Variants in CD8B2 observed in about 807,000 individuals in gnomAD.
CD8B2 encodes T-cell surface glycoprotein CD8 beta-2 chain.
In CD8B2, 11 loss-of-function variants were observed where a neutral mutation model predicts 23.7. The ratio of observed to expected loss-of-function variants is 0.46; its 90% CI spans 0.29 to 0.77. The LOEUF (loss-of-function observed/expected upper bound fraction) is 0.77, where lower values mean the gene tolerates loss of function less well. CD8B2 is among the 30% of genes least tolerant of loss of function. The probability of loss-of-function intolerance (pLI) is 0.09; values close to 1 mark genes in which losing one functional copy is unlikely to be tolerated. For missense variants in CD8B2, 197 were observed against 270.5 expected (o/e 0.73, Z 1.91); for synonymous variants, 90 against 109.3 (o/e 0.82, Z 1.10).
chr2:106,491,829 G>T (rs190017408), intron 2 of CD8B2, among the ~76,000 whole-genome samples: 3 of 152,200 alleles, frequency 2.0e-5, no homozygotes, highest in Non-Finnish European at 2.9e-5. Context: ...GATTACAGGC[G>T]TGAGCCACCG....
At chr2:106,490,160 C>T (rs1222098331) in intron 1 of CD8B2, among the ~76,000 whole-genome samples, 1 of 152,004 alleles carries the variant, frequency 6.6e-6, no homozygotes. Context: ...GGCTCCTCTC[C>T]CAGCCTGTCC....
At chr2:106,491,766 C>T (rs1679200999) in intron 2 of CD8B2, among the ~76,000 whole-genome samples, 2 of 152,140 alleles carry the variant, frequency 1.3e-5, no homozygotes, top group Non-Finnish European at 2.9e-5. Flanking sequence ...CCAGGTGGGT[C>T]TCGAACTCCT....
chr2:106,509,981 C>T lies in CD8B2; in HGVS notation c.*3041C>T, dbSNP rs1348628583. 1 of 152,166 alleles carries T rather than the reference C, an allele frequency of 6.6e-6. No individual in the cohort carries two copies. Among genetic ancestry groups the T allele is most frequent in the Non-Finnish European group, 1.5e-5 (1 of 68,032 alleles). The allele number at this position is 152,166 out of a possible 1,614,324, so 9.4% of individuals were successfully genotyped here. On this transcript the variant is annotated 3_prime_UTR_variant, in exon 6 of 6. Coordinates refer to ENST00000643224, the MANE Select transcript of CD8B2 (RefSeq NM_001349727.2). Reference sequence around the variant, plus strand: ...CTGGTCAGATAAATTCAGACACAGTCTAATAAGGGGGTTTAGGCGGCTGCT... The same window carrying T: ...CTGGTCAGATAAATTCAGACACAGTTTAATAAGGGGGTTTAGGCGGCTGCT...
intron 5 of CD8B2, among the ~76,000 whole-genome samples, chr2:106,524,469 C>T (rs910214912): frequency 6.6e-5 from 10 of 152,098 alleles, no homozygotes; most frequent in African/African-American, 2.2e-4. Context: ...CCTGAAGCAC[C>T]GTCCTGAAGT....
intron 1 of CD8B2, among the ~76,000 whole-genome samples, chr2:106,487,698 C>T (rs1679103580): frequency 6.6e-6 from 1 of 152,188 alleles, no homozygotes; most frequent in South Asian, 2.1e-4. Context: ...GGCCACCTCC[C>T]CTCAAAAGCC....
At chr2:106,503,396 G>A (rs953385821) in intron 4 of CD8B2, among the ~76,000 whole-genome samples, 14 of 151,966 alleles carry the variant, frequency 9.2e-5, no homozygotes, top group African/African-American at 3.4e-4. Context: ...GCACCCAGGA[G>A]CATACTTTTG....
At chr2:106,493,063 A>T (rs4366905) in intron 2 of CD8B2, among the ~76,000 whole-genome samples, 1 of 152,148 alleles carries the variant, frequency 6.6e-6, no homozygotes, top group Non-Finnish European at 1.5e-5. Flanking sequence ...TCCTGACTTC[A>T]GTGTTTCCAA....
In CD8B2 at chr2:106,491,089, C is replaced by G; in HGVS notation, c.259C>G (p.Gln87Glu). The G allele has an allele frequency of 3.1e-6, 5 of 1,613,914 alleles. No individual in the cohort carries two copies. The highest frequency in any genetic ancestry group is 4.2e-6 in the Non-Finnish European group (5 of 1,179,784). The change falls in exon 2 of 6, where the codon CAG becomes GAG. Residue 87 changes from glutamine to glutamate, a missense_variant. Physicochemically the swap from Gln to Glu is conservative, Grantham distance 29. Around this residue, in one of 3 missense-constraint regions of CD8B2, gnomAD observed 140 missense variants for 164.2 expected, o/e 0.85. Transcript: ENST00000643224. ...GACTATCCACGGTGAAGAGGTGGAA[C>G]AGGAGAAGATAGCTGTGTTTCGGGA... is the stretch of plus-strand genomic sequence containing the variant. ...KGTIHGEEVE[Q>E]EKIAVFRDAS...
chr2:106,501,914 A>G (rs1198423822), intron 3 of CD8B2, among the ~76,000 whole-genome samples: 1 of 152,232 alleles, frequency 6.6e-6, no homozygotes, highest in East Asian at 1.9e-4. Context: ...ATTACCAGGC[A>G]TGAAAATTGT....
intron 5 of CD8B2, among the ~76,000 whole-genome samples, chr2:106,542,837 G>A (rs1462492445): frequency 2.6e-5 from 4 of 151,790 alleles, no homozygotes; most frequent in Admixed American, 6.6e-5. Flanking sequence ...GTGAATACAT[G>A]TGCGCCCATC....
rs1277928351 is a variant in CD8B2, at chr2:106,507,470, G to C, written c.*530G>C. Reference sequence around the variant, plus strand: ...GTTCCCAGAAGCCATGTCAGTCTCTGAGGGCTTCCTTTGGGGCCGGGAACT... The same window carrying C: ...GTTCCCAGAAGCCATGTCAGTCTCTCAGGGCTTCCTTTGGGGCCGGGAACT... On this transcript the variant is annotated 3_prime_UTR_variant, in exon 6 of 6. Transcript: ENST00000643224. 1 of 985,612 alleles carries C rather than the reference G, an allele frequency of 1.0e-6. No individual in the cohort carries two copies. Among genetic ancestry groups the C allele is most frequent in the African/African-American group, 1.7e-5 (1 of 57,254 alleles). 61.1% of individuals were successfully genotyped at this position (985,612 alleles called of 1,614,324 possible). A position where few individuals can be genotyped will look rare whatever the true frequency, so the allele number is the denominator to read the frequency against.
intron 5 of CD8B2, chr2:106,542,926 C>T (rs996432370): frequency 6.6e-6 from 1 of 152,054 alleles, no homozygotes; most frequent in Non-Finnish European, 1.5e-5. Flanking sequence ...ACTCTGCTGC[C>T]CCCGTGTGTT....
At chr2:106,532,752 C>T (rs1365298907) in intron 5 of CD8B2, among the ~76,000 whole-genome samples, 5 of 152,210 alleles carry the variant, frequency 3.3e-5, no homozygotes, top group East Asian at 1.9e-4. Flanking sequence ...GTGAGGTCGA[C>T]CAGAGGTCAC....
At position 106,532,770 on chromosome 2, in the gene CD8B2, G is replaced by A. The variant is rs574615177; in HGVS notation, c.621-11222G>A. On this transcript the variant is annotated intron_variant, in intron 5 of 5. Transcript: ENST00000416057. ...AGGTCGACCAGAGGTCACTCTCATC[G>A]CCATCTTGGTTTTTGTGGGCTTTGG... Among the ~76,000 whole-genome samples, 102 of 152,268 alleles carry A rather than the reference G, an allele frequency of 6.7e-4. 1 individual carries two copies. The highest frequency in any genetic ancestry group is 1.1e-3 in the Admixed American group (17 of 15,296).
At chr2:106,541,032 G>A (rs547776841) in intron 5 of CD8B2, among the ~76,000 whole-genome samples, 131 of 152,154 alleles carry the variant, frequency 8.6e-4, no homozygotes, top group Non-Finnish European at 1.6e-3. Context: ...CAGGAGGAGA[G>A]GGAATGAAGA....
At chr2:106,542,761 A>G (rs1397530326) in intron 5 of CD8B2, among the ~76,000 whole-genome samples, 2 of 149,666 alleles carry the variant, frequency 1.3e-5, no homozygotes, top group East Asian at 3.9e-4. Context: ...CATACTATAT[A>G]TGAAGTATAA....
At chr2:106,498,026 A>G (rs1310570078) in intron 3 of CD8B2, among the ~76,000 whole-genome samples, 5 of 152,236 alleles carry the variant, frequency 3.3e-5, no homozygotes, top group African/African-American at 1.2e-4. Flanking sequence ...ACTAAATTCT[A>G]GAAGCAATCT....
chr2:106,503,942 G>A (rs1217936981), intron 4 of CD8B2, among the ~76,000 whole-genome samples: 3 of 152,202 alleles, frequency 2.0e-5, no homozygotes, highest in African/African-American at 4.8e-5. Context: ...GCTGTGAAGG[G>A]CAAGCAGGTG....
intron 2 of CD8B2, among the ~76,000 whole-genome samples, chr2:106,494,901 C>T (rs1236083925): frequency 1.3e-5 from 2 of 152,160 alleles, no homozygotes; most frequent in African/African-American, 2.4e-5. Flanking sequence ...TTAGGGCCAT[C>T]TGAGAAGGAA....
Sources: gnomAD v4.1 joint callset for allele counts (sites outside exome capture counted in the v4.1 genomes callset) on GRCh38, gnomAD v4.1.1 for gene constraint, gnomAD v4.1.1 regional missense constraint, MANE v1.5 for transcripts, NCBI Gene and HGNC (gene_info 2026-07-23, HGNC 2026-07-21) for gene names.